VCL: variants seen among roughly 807,000 people sequenced by gnomAD.
VCL encodes the protein epididymis luminal protein 114.
Under a neutral mutation model 125.7 loss-of-function variants are expected in VCL, and 47 were observed. That is an observed-to-expected ratio of 0.37 (90% CI 0.30 to 0.48). VCL has a LOEUF of 0.48. VCL is among the 20% of genes least tolerant of loss of function. The pLI is 0.99. For synonymous variants in VCL, 458 were observed against 514.6 expected (o/e 0.89, Z 1.49); for missense variants, 1,069 against 1,455.5 (o/e 0.73, Z 4.32).
intron 1 of VCL, among the ~76,000 whole-genome samples, chr10:74,004,540 A>G (rs988910728): frequency 2.1e-4 from 32 of 152,294 alleles, no homozygotes; most frequent in Middle Eastern, 6.8e-3. Flanking sequence ...ATCAGAAGCA[A>G]CAGGAATGCT....
intron 10 of VCL, among the ~76,000 whole-genome samples, chr10:74,091,315 A>G (rs111748583): frequency 0.016 from 2,378 of 152,328 alleles, 18 homozygotes; most frequent in Non-Finnish European, 0.024. Flanking sequence ...GCAGACCTTC[A>G]TGTGTGGTCA....
At chr10:74,075,325 G>C (rs1839565906) in intron 6 of VCL, 1 of 169,216 alleles carries the variant, frequency 5.9e-6, no homozygotes, top group Non-Finnish European at 1.3e-5. Context: ...CTTTGATCCA[G>C]AGAAATCTAC....
At position 74,054,766 on chromosome 10, in the gene VCL, C is replaced by A. The variant is rs542939420; in HGVS notation, c.239+11613C>A. 5.9e-5 allele frequency among the ~76,000 whole-genome samples: 9 copies of A among 152,028 alleles called. No homozygotes were observed. The East Asian group carries it at 1.7e-3, about 30-fold the overall frequency. ...TGAAATCCCGTCTCTACCAAAAATACAAAAATTAGCTGGGCGTGATGCTGC... is the reference window on the plus strand; with the variant it reads ...TGAAATCCCGTCTCTACCAAAAATAAAAAAATTAGCTGGGCGTGATGCTGC... On this transcript the variant is annotated intron_variant, in intron 2 of 21. Transcript: ENST00000211998.
At position 74,107,353 on chromosome 10, in the gene VCL, G is replaced by A. The variant is rs992716111; in HGVS notation, c.2558G>A (p.Arg853Gln). ...CCTCCACCAGACCTTGAACAACTCC[G>A]AGTAAGTAAATTCAGATATGCAGAG... ...PPPPPDLEQL[R>Q]LTDELAPPKP... The change falls in exon 17 of 22, where the codon CGA becomes CAA. Residue 853 changes from arginine (R) to glutamine (Q), a missense_variant and splice_region_variant. Arg to Gln is a conservative substitution (Grantham distance 43). Transcript: ENST00000211998. The A allele has an allele frequency of 1.9e-6, 3 of 1,614,078 alleles. No homozygotes were observed. Among genetic ancestry groups the A allele is most frequent in the Admixed American group, 1.7e-5 (1 of 60,006 alleles).
chr10:74,068,605 G>A (rs999177109), intron 2 of VCL, among the ~76,000 whole-genome samples: 6 of 152,094 alleles, frequency 3.9e-5, no homozygotes, highest in African/African-American at 1.4e-4. Flanking sequence ...GATTACACGT[G>A]TGAGCCACCA....
At chr10:74,085,329 T>G (rs1316030050) in intron 8 of VCL, among the ~76,000 whole-genome samples, 2 of 152,206 alleles carry the variant, frequency 1.3e-5, no homozygotes, top group Non-Finnish European at 2.9e-5. Context: ...AAGTCTGGCA[T>G]GGGTAAATAC....
At chr10:74,094,595 T>G (rs774996918) in intron 11 of VCL, 134 bp downstream of exon 11, 4 of 1,140,754 alleles carry the variant, frequency 3.5e-6, no homozygotes, top group Non-Finnish European at 5.2e-6. Flanking sequence ...TGATTCCATT[T>G]CCAAATGCAG....
intron 17 of VCL, among the ~76,000 whole-genome samples, chr10:74,108,568 C>T (rs982471993): frequency 6.6e-6 from 1 of 152,136 alleles, no homozygotes; most frequent in African/African-American, 2.4e-5. Context: ...CAACCTCTGC[C>T]TCCCGGGTTC....
At chr10:74,094,248 G>A (rs1320594985) in intron 10 of VCL, 23 bp from the exon 11 acceptor site, 2 of 1,613,740 alleles carry the variant, frequency 1.2e-6, no homozygotes, top group Non-Finnish European at 1.7e-6. Context: ...TGTGTGACAG[G>A]ATGGCTGTCT....
chr10:74,107,216 T>A lies in VCL; in HGVS notation c.2435-14T>A. The A allele has an allele frequency of 6.2e-7, 1 of 1,614,174 alleles. No homozygotes were observed. The highest frequency in any genetic ancestry group is 2.2e-5 in the East Asian group (1 of 44,886). On this transcript the variant is annotated splice_polypyrimidine_tract_variant and intron_variant, in intron 16 of 21. Coordinates refer to ENST00000211998, the MANE Select transcript of VCL (RefSeq NM_014000.3). ...TGACCCACCCAGCTGAAAGTGAGGA[T>A]GTCTTGTGTTTAGGACTGCAAAAGA...
At position 74,107,298 on chromosome 10, in the gene VCL, T is replaced by G. The variant is rs1179660936; in HGVS notation, c.2503T>G (p.Phe835Val). 1.2e-6 allele frequency: 2 copies of G among 1,614,198 alleles called. No individual in the cohort carries two copies. Among genetic ancestry groups the G allele is most frequent in the Non-Finnish European group, 1.7e-6 (2 of 1,180,034 alleles). The change falls in exon 17 of 22, where the codon TTC (phenylalanine) becomes GTC (valine). Residue 835 changes from phenylalanine to valine, a missense_variant. Phe to Val is a conservative substitution (Grantham distance 50). This residue lies in a region of VCL where 760 missense variants were observed against 928.9 expected (regional missense o/e 0.82). Transcript: ENST00000211998. ...LGAVAKVREAFQPQEPDFPPP... is the reference protein window; with the variant it reads ...LGAVAKVREAVQPQEPDFPPP... ...AGCTGTGGCCAAGGTCAGAGAAGCC[T>G]TCCAACCTCAGGAGCCTGACTTCCC...
At chr10:74,089,078 TG>T in intron 8 of VCL, 117 bp from the exon 9 acceptor site, 1 of 1,459,048 alleles carries the variant, frequency 6.9e-7, no homozygotes, top group East Asian at 2.4e-5. Context: ...CCAGATTTAC[TG>T]GGAAAAAGGA....
Position 74,074,886 on chromosome 10 carries a change from G to T in VCL, c.766G>T (p.Asp256Tyr). 1 of 1,614,156 alleles carries T rather than the reference G, an allele frequency of 6.2e-7. No individual in the cohort carries two copies. Among genetic ancestry groups the T allele is most frequent in the Non-Finnish European group, 8.5e-7 (1 of 1,180,018 alleles). ...GTTACAACTCACCTCTTGGGATGAA[G>T]ATGCCTGGGCCAGCAAGGTACGTGT... ...RVLQLTSWDEDAWASKDTEAM... is the reference protein window; with the variant it reads ...RVLQLTSWDEYAWASKDTEAM... The change falls in exon 6 of 22, where the codon GAT (aspartate) becomes TAT (tyrosine). Residue 256 changes from aspartate (D) to tyrosine (Y), a missense_variant. Asp to Tyr is a radical substitution (Grantham distance 160). Around this residue, in one of 6 missense-constraint regions of VCL, gnomAD observed 760 missense variants for 928.9 expected, o/e 0.82. Transcript: ENST00000211998.
intron 14 of VCL, among the ~76,000 whole-genome samples, chr10:74,103,498 T>G (rs1263127910): frequency 6.6e-6 from 1 of 152,254 alleles, no homozygotes; most frequent in Non-Finnish European, 1.5e-5. Context: ...TGGTGATTTT[T>G]AAGATGGAAG....
intron 10 of VCL, among the ~76,000 whole-genome samples, chr10:74,093,283 C>T (rs1210075896): frequency 2.0e-5 from 3 of 151,978 alleles, no homozygotes; most frequent in African/African-American, 2.4e-5. Flanking sequence ...GGCAACACAG[C>T]GAGACTCCAT....
chr10:74,103,453 A>T (rs1288822311), intron 14 of VCL, among the ~76,000 whole-genome samples: 3 of 152,176 alleles, frequency 2.0e-5, no homozygotes. Context: ...ATTATTCATA[A>T]ATCAGTTTTG....
At chr10:74,067,007 G>C (rs966000210) in intron 2 of VCL, among the ~76,000 whole-genome samples, 6 of 152,042 alleles carry the variant, frequency 3.9e-5, no homozygotes, top group Non-Finnish European at 1.5e-5. Context: ...GTGTTTGTTT[G>C]AATTAAAATT....
At chr10:74,099,849 G>A (rs1476566583) in intron 13 of VCL, among the ~76,000 whole-genome samples, 1 of 152,188 alleles carries the variant, frequency 6.6e-6, no homozygotes, top group African/African-American at 2.4e-5. Flanking sequence ...TAAATGGCAG[G>A]AACCCATGTA....
chr10:74,020,777 G>A (rs1840645609), intron 1 of VCL, among the ~76,000 whole-genome samples: 1 of 142,236 alleles, frequency 7.0e-6, no homozygotes, highest in African/African-American at 2.6e-5. Context: ...GGAGGTTGAG[G>A]CTGCAGTGAA....
Sources: allele counts gnomAD v4.1 joint callset (sites outside exome capture counted in the v4.1 genomes callset), GRCh38; gene constraint gnomAD v4.1.1; regional missense constraint gnomAD v4.1.1; transcripts MANE v1.5; gene names NCBI Gene and HGNC (gene_info 2026-07-23, HGNC 2026-07-21).